The following PDXDC1 variants were observed in gnomAD, a reference collection of about 807,000 sequenced individuals.
PDXDC1 encodes pyridoxal-dependent decarboxylase domain-containing protein 1.
Under a neutral mutation model 100.1 loss-of-function variants are expected in PDXDC1, and 42 were observed. The observed-to-expected ratio is 0.42, with a 90% CI of 0.33 to 0.54. PDXDC1 has a LOEUF of 0.54. Among genes scored for constraint, PDXDC1 ranks in the 20% least tolerant of loss-of-function variants. The pLI is 0.10. For synonymous variants in PDXDC1, 260 were observed against 371.7 expected (o/e 0.70, Z 3.46); for missense variants, 636 against 979.2 (o/e 0.65, Z 4.68).
chr16:15,021,330 T>C (rs1369866234), intron 12 of PDXDC1, among the ~76,000 whole-genome samples: 1 of 151,544 alleles, frequency 6.6e-6, no homozygotes. Flanking sequence ...TGAGCCCAAA[T>C]AGCACTACTG....
chr16:15,095,552 T>A (rs1274220847), intron 16 of PDXDC1, among the ~76,000 whole-genome samples: 2 of 152,030 alleles, frequency 1.3e-5, no homozygotes, highest in African/African-American at 4.8e-5. Context: ...AATAAGTTTT[T>A]AAAAATGCAT....
In PDXDC1 at chr16:14,982,655, A is replaced by G. The variant is rs549919393; in HGVS notation, c.21+7435A>G. ...TACAAATGTAGAAACTGAGACTCCA[A>G]TAAGATAAACCAGGTTTACAAGTCA... is the stretch of plus-strand genomic sequence containing the variant. On this transcript the variant is annotated intron_variant, in intron 1 of 22. Coordinates refer to ENST00000396410, the MANE Select transcript of PDXDC1 (RefSeq NM_015027.4). 3.9e-5 allele frequency among the ~76,000 whole-genome samples: 6 copies of G among 152,412 alleles called. No homozygotes were observed. The South Asian group carries it at 8.3e-4, about 21-fold the overall frequency.
rs1190435872 is a variant in PDXDC1, at chr16:15,038,043, A to T, written c.*1768A>T. ...TAATTCATGTTTTTTAACTTCCTGG[A>T]GAAGAGATCTTTTCCCACAAGCCAT... On this transcript the variant is annotated 3_prime_UTR_variant, in exon 23 of 23. Transcript: ENST00000396410. The T allele has an allele frequency of 6.8e-6, 11 of 1,611,432 alleles. No homozygotes were observed. The highest frequency in any genetic ancestry group is 8.5e-6 in the Non-Finnish European group (10 of 1,179,070).
At position 15,137,246 on chromosome 16, in the gene PDXDC1, G is replaced by T. The variant is rs1313803996; in HGVS notation, c.1400-1633G>T. On this transcript the variant is annotated intron_variant, in intron 16 of 16. Transcript: ENST00000535621. ...GGGTCCGTGGGGCCCCACCAGGGGG[G>T]CCCCTGGGGAGGCAGGGAAGACGTG... 9 of 818,094 alleles carry T rather than the reference G, an allele frequency of 1.1e-5. No individual in the cohort carries two copies. The East Asian group carries it at 2.4e-4, about 22-fold the overall frequency. 50.7% of individuals were successfully genotyped at this position (818,094 alleles called of 1,614,324 possible). A position where few individuals can be genotyped will look rare whatever the true frequency, so the allele number is the denominator to read the frequency against.
chr16:15,131,551 G>A, intron 16 of PDXDC1: 2 of 1,609,552 alleles, frequency 1.2e-6, no homozygotes, highest in East Asian at 2.2e-5. Context: ...CAGTGTCAGG[G>A]GCTCCTCGTT....
intron 13 of PDXDC1, chr16:15,026,192 CAA>C: frequency 5.9e-6 from 1 of 170,592 alleles, no homozygotes; most frequent in Non-Finnish European, 1.2e-5. Context: ...TAATTGAGGC[CAA>C]GAGTTCAAGG....
At chr16:15,011,769 T>C (rs1355483684) in intron 8 of PDXDC1, among the ~76,000 whole-genome samples, 1 of 152,270 alleles carries the variant, frequency 6.6e-6, no homozygotes, top group African/African-American at 2.4e-5. Context: ...GTTCAAGCGA[T>C]TCGCCTGCCT....
chr16:15,109,904 A>T (rs1353927904), intron 16 of PDXDC1, among the ~76,000 whole-genome samples: 1 of 143,120 alleles, frequency 7.0e-6, no homozygotes, highest in Non-Finnish European at 1.6e-5. Context: ...CTCTAATCCC[A>T]GCACTTTGGG....
intron 1 of PDXDC1, among the ~76,000 whole-genome samples, chr16:14,990,976 A>C (rs1449850635): frequency 2.0e-5 from 3 of 152,270 alleles, no homozygotes; most frequent in Non-Finnish European, 4.4e-5. Context: ...CCTGGGCCTC[A>C]GGTGATCCGT....
chr16:14,997,028 C>T (rs544961306), intron 1 of PDXDC1, among the ~76,000 whole-genome samples: 3,643 of 150,568 alleles, frequency 0.024, no homozygotes, highest in Non-Finnish European at 0.034. Flanking sequence ...AATGGCCAGG[C>T]TGAGGGGACC....
At chr16:15,018,127 A>G (rs113613445) in intron 11 of PDXDC1, among the ~76,000 whole-genome samples, 3 of 148,378 alleles carry the variant, frequency 2.0e-5, no homozygotes, top group African/African-American at 7.4e-5. Context: ...TGGGCCAGGC[A>G]TGGTGGCTCA....
chr16:15,113,222 GA>G lies in PDXDC1; in HGVS notation c.1400-25641del, dbSNP rs766580023. On this transcript the variant is annotated intron_variant, in intron 16 of 16. Transcript: ENST00000535621. ...GAGACTCGTCTTGGGGGTGAGAAAA[GA>G]AAAAAAAAAAAAAAAGCTTCCTCCA... Among the ~76,000 whole-genome samples the G allele has an allele frequency of 3.9e-3, 19 of 4,884 alleles. 1 individual carries two copies. The highest frequency in any genetic ancestry group is 6.9e-3 in the African/African-American group (18 of 2,626). 3.2% of individuals were successfully genotyped at this position (4,884 alleles called of 152,430 possible).
intron 21 of PDXDC1, 61 bp from the exon 22 acceptor site, chr16:15,035,388 G>C (rs369282945): frequency 2.3e-6 from 2 of 852,626 alleles, no homozygotes; most frequent in East Asian, 5.9e-5. Context: ...GTGAGGGCAG[G>C]TGGTGTCTTC....
intron 16 of PDXDC1, among the ~76,000 whole-genome samples, chr16:15,124,150 A>G (rs548118296): frequency 1.3e-5 from 2 of 152,308 alleles, no homozygotes; most frequent in African/African-American, 4.8e-5. Context: ...CAATACCCAG[A>G]GGGCTTGGCC....
Position 15,037,998 on chromosome 16 carries a change from C to T in PDXDC1, c.*1723C>T, listed in dbSNP as rs1567748641. On this transcript the variant is annotated 3_prime_UTR_variant, in exon 23 of 23. Transcript: ENST00000396410. ...CAGCCCCACCAATGGTCTGTCAGGC[C>T]AAGAAGGTGCTTTCTTTGGTAATTC... 4 of 1,567,400 alleles carry T rather than the reference C, an allele frequency of 2.6e-6. No homozygotes were observed. In the South Asian group the frequency reaches 4.5e-5, roughly 18 times the overall value.
At chr16:15,050,989 A>C (rs1348613568) in intron 16 of PDXDC1, among the ~76,000 whole-genome samples, 2 of 152,244 alleles carry the variant, frequency 1.3e-5, no homozygotes, top group African/African-American at 4.8e-5. Context: ...TCTAAAACTC[A>C]GAACACCTGT....
intron 16 of PDXDC1, chr16:15,128,283 G>A (rs1243921773): frequency 1.9e-6 from 3 of 1,610,482 alleles, no homozygotes; most frequent in East Asian, 2.2e-5. Flanking sequence ...TGGCGATCCG[G>A]AAGATGTCCA....
chr16:15,117,284 T>TA (rs1362310484), intron 16 of PDXDC1, among the ~76,000 whole-genome samples: 2 of 78,410 alleles, frequency 2.6e-5, no homozygotes, highest in African/African-American at 1.1e-4. Flanking sequence ...AATAAATAAA[T>TA]AAATAAAATA....
intron 16 of PDXDC1, chr16:15,126,606 T>C (rs1349699223): frequency 2.8e-5 from 4 of 143,294 alleles, no homozygotes; most frequent in Non-Finnish European, 6.0e-5. Flanking sequence ...CTTAACTGCT[T>C]AGAAAAATTC....
Sources: gnomAD v4.1 joint callset for allele counts (sites outside exome capture counted in the v4.1 genomes callset) on GRCh38, gnomAD v4.1.1 for gene constraint, MANE v1.5 for transcripts, NCBI Gene and HGNC (gene_info 2026-07-23, HGNC 2026-07-21) for gene names.